GEMIN5: variants seen among roughly 807,000 people sequenced by gnomAD.
GEMIN5 encodes the protein gem nuclear organelle associated protein 5.
GEMIN5 carries 124 observed loss-of-function variants against 176.9 expected under a neutral mutation model. The observed-to-expected ratio is 0.70, with a 90% CI of 0.61 to 0.81. The LOEUF is 0.81. Ranked by LOEUF, GEMIN5 falls within the 40% of genes least tolerant of loss-of-function variation. The pLI is 0.00. For synonymous variants in GEMIN5, 673 were observed against 665.2 expected (o/e 1.01, Z -0.18); for missense variants, 1,843 against 1,814.6 (o/e 1.02, Z -0.28).
chr5:154,934,349 G>C (rs1764223435), intron 3 of GEMIN5, among the ~76,000 whole-genome samples: 1 of 152,136 alleles, frequency 6.6e-6, no homozygotes, highest in African/African-American at 2.4e-5. Context: ...ACCATGCCTG[G>C]CTAATTTTGT....
intron 18 of GEMIN5, 142 bp downstream of exon 18, chr5:154,904,365 A>AGG: frequency 1.4e-6 from 1 of 690,282 alleles, no homozygotes; most frequent in Non-Finnish European, 2.4e-6. Flanking sequence ...AGGGATGTGG[A>AGG]GGGAAGGGAG....
In GEMIN5 at chr5:154,901,256, T is replaced by C. The variant is rs1763455319; in HGVS notation, c.3014+83A>G. On this transcript the variant is annotated intron_variant, in intron 21 of 27. Coordinates refer to ENST00000285873, the MANE Select transcript of GEMIN5 (RefSeq NM_015465.5). ...TGAAGCAGGAGGACTGTTTCTTCTA[T>C]TTATGTTACTTTAACAATAGAGAAG... The C allele has an allele frequency of 5.3e-6, 7 of 1,316,916 alleles. No homozygotes were observed. In the South Asian group the frequency reaches 8.1e-5, roughly 15 times the overall value. The allele number at this position is 1,316,916 out of a possible 1,614,324, so 81.6% of individuals were successfully genotyped here. A position where few individuals can be genotyped will look rare whatever the true frequency, so the allele number is the denominator to read the frequency against.
intron 12 of GEMIN5, 32 bp from the exon 13 acceptor site, chr5:154,917,211 A>T (rs1763830630): frequency 1.3e-5 from 16 of 1,254,678 alleles, no homozygotes; most frequent in Non-Finnish European, 1.7e-5. Context: ...AACAAGAAAG[A>T]TGGATGATCA....
In GEMIN5 at chr5:154,888,257, C is replaced by G; in HGVS notation, c.4480G>C (p.Gly1494Arg). ...TGTCTTCTGTAAGTTTTCGTGTTGC[C>G]GTATTTCTGAAGGAGCTCTTGGGCC... ...QQAQELLQKY[G>R]NTKTYRRHCQ... is the part of the protein sequence containing the mutation. Residue 1494 changes from glycine to arginine, a missense_variant, in exon 28 of 28, where the codon GGC becomes CGC. By Grantham distance (125) the Gly-to-Arg change is moderately radical. Coordinates refer to ENST00000285873, the MANE Select transcript of GEMIN5 (RefSeq NM_015465.5). The G allele has an allele frequency of 6.2e-7, 1 of 1,614,060 alleles. No individual in the cohort carries two copies. Among genetic ancestry groups the G allele is most frequent in the Middle Eastern group, 1.6e-4 (1 of 6,062 alleles).
chr5:154,892,292 T>A (rs140492898), intron 25 of GEMIN5, 95 bp downstream of exon 25: 5 of 1,000,572 alleles, frequency 5.0e-6, no homozygotes, highest in Middle Eastern at 2.1e-4. Context: ...CCAATCTCCA[T>A]CTTTTAAGAA....
At position 154,891,618 on chromosome 5, in the gene GEMIN5, AG is replaced by A; in HGVS notation, c.3884del (p.Pro1295LeufsTer9). ...LYEFWWSLSR[P>X]CPNSSVWVRA... is the part of the protein sequence containing the mutation. The stretch of plus-strand genomic sequence containing the variant: ...TTACCCAGACACTGGAATTTGGGCA[AG>A]GTCTGGAGAGAGACCACCAGAATTC... On this transcript the variant is annotated frameshift_variant, in exon 26 of 28. Coordinates refer to ENST00000285873, the MANE Select transcript of GEMIN5 (RefSeq NM_015465.5). LOFTEE classifies it high-confidence loss of function. 1 of 1,614,208 alleles carries A rather than the reference AG, an allele frequency of 6.2e-7. No homozygotes were observed. Among genetic ancestry groups the A allele is most frequent in the South Asian group, 1.1e-5 (1 of 91,084 alleles).
At chr5:154,905,142 C>T (rs138046123) in intron 17 of GEMIN5, among the ~76,000 whole-genome samples, 4 of 152,044 alleles carry the variant, frequency 2.6e-5, no homozygotes, top group Non-Finnish European at 5.9e-5. Flanking sequence ...TGTAGTGAGC[C>T]AAGAGTGTGC....
chr5:154,895,966 G>C, intron 24 of GEMIN5, 126 bp downstream of exon 24: 1 of 1,020,798 alleles, frequency 9.8e-7, no homozygotes, highest in Non-Finnish European at 1.5e-6. Context: ...CAGGTGGCGT[G>C]GCCATGCCTT....
chr5:154,936,977 C>G (rs1464117704), intron 2 of GEMIN5, 48 bp downstream of exon 2: 2 of 1,502,252 alleles, frequency 1.3e-6, no homozygotes, highest in East Asian at 4.6e-5. Context: ...GAAGAACCCT[C>G]AGCACAGATA....
chr5:154,888,223 G>A lies in GEMIN5; in HGVS notation c.4514C>T (p.Thr1505Ile), dbSNP rs372623023. ...GTGTGTGAAAATTCACATACAGAAG[G>A]TCTGGCAGTGTCTTCTGTAAGTTTT... ...NTKTYRRHCQTFCM is the reference protein window; with the variant it reads ...NTKTYRRHCQIFCM The change falls in exon 28 of 28, where the codon ACC (threonine) becomes ATC (isoleucine). Residue 1505 changes from threonine (T) to isoleucine (I), a missense_variant. By Grantham distance (89) the Thr-to-Ile change is moderately conservative. Transcript: ENST00000285873. 33 of 1,613,884 alleles carry A rather than the reference G, an allele frequency of 2.0e-5. No homozygotes were observed. The highest frequency in any genetic ancestry group is 2.8e-5 in the Non-Finnish European group (33 of 1,179,892).
In GEMIN5 at chr5:154,926,135, C is replaced by A. The variant is rs1161666384; in HGVS notation, c.1081-61G>T. The A allele has an allele frequency of 1.4e-5, 15 of 1,034,748 alleles. No homozygotes were observed. The African/African-American group carries it at 2.1e-4, about 14-fold the overall frequency. The allele number at this position is 1,034,748 out of a possible 1,614,324, so 64.1% of individuals were successfully genotyped here. On this transcript the variant is annotated intron_variant, in intron 7 of 27. Coordinates refer to ENST00000285873, the MANE Select transcript of GEMIN5 (RefSeq NM_015465.5). ...AAGAACAGAGAAATAGGAAAAAAAACCTGATATGTCAAATGGGATAGGCTC... is the reference window on the plus strand; with the variant it reads ...AAGAACAGAGAAATAGGAAAAAAAAACTGATATGTCAAATGGGATAGGCTC...
chr5:154,908,173 T>C (rs1029063691), intron 15 of GEMIN5, among the ~76,000 whole-genome samples: 10 of 54,490 alleles, frequency 1.8e-4, no homozygotes, highest in Non-Finnish European at 2.9e-4. Flanking sequence ...CCAGATGTCC[T>C]TTTTTTTTTT....
chr5:154,891,771 C>G, intron 25 of GEMIN5, 29 bp from the exon 26 acceptor site: 1 of 1,541,518 alleles, frequency 6.5e-7, no homozygotes, highest in Middle Eastern at 1.8e-4. Context: ...GATACTGGGT[C>G]ATGCATTTCT....
chr5:154,931,391 G>T (rs1392338084), intron 5 of GEMIN5, 67 bp downstream of exon 5: 52 of 1,492,450 alleles, frequency 3.5e-5, no homozygotes, highest in Non-Finnish European at 4.5e-5. Context: ...AGGACAATAA[G>T]AACAGAAAAC....
intron 21 of GEMIN5, among the ~76,000 whole-genome samples, chr5:154,899,598 G>A (rs1278131870): frequency 7.2e-6 from 1 of 137,994 alleles, no homozygotes; most frequent in Admixed American, 7.9e-5. Context: ...AATGCTAAGA[G>A]TCAGTTATGT....
chr5:154,924,773 A>T (rs1341527254), intron 8 of GEMIN5, among the ~76,000 whole-genome samples: 1 of 152,024 alleles, frequency 6.6e-6, no homozygotes, highest in Admixed American at 6.5e-5. Flanking sequence ...GCGGATCACG[A>T]GGTCAGGAGA....
Position 154,931,523 on chromosome 5 carries a change from C to A in GEMIN5, c.716G>T (p.Gly239Val). Residue 239 changes from glycine to valine, a missense_variant, in exon 5 of 28, where the codon GGT (glycine) becomes GTT (valine). Physicochemically the swap from Gly to Val is moderately radical, Grantham distance 109 (BLOSUM62 -3). Transcript: ENST00000285873. ...NAVAQAPVTK[G>V]CYLATGSKDQ... Reference sequence around the variant, plus strand: ...TTTGCTTCCAGTGGCTAAGTAGCAACCTTTTGTTACTGGAGCTTGTGCTAC... The same window carrying A: ...TTTGCTTCCAGTGGCTAAGTAGCAAACTTTTGTTACTGGAGCTTGTGCTAC... The A allele has an allele frequency of 6.2e-7, 1 of 1,611,950 alleles. No individual in the cohort carries two copies. The highest frequency in any genetic ancestry group is 1.1e-5 in the South Asian group (1 of 91,010).
chr5:154,896,240 G>C lies in GEMIN5; in HGVS notation c.3449C>G (p.Thr1150Arg), dbSNP rs755153179. Reference protein sequence around the residue: ...KSSSSYHTWNTGTEGPFVERV... With the variant: ...KSSSSYHTWNRGTEGPFVERV... ...CTCCACGAAAGGCCCTTCGGTGCCC[G>C]TGTTCCAAGTGTGGTAAGAGGAGGA... Residue 1150 changes from threonine to arginine, a missense_variant, in exon 24 of 28, where the codon ACG becomes AGG. By Grantham distance (71) the Thr-to-Arg change is moderately conservative. Transcript: ENST00000285873. 2 of 1,613,770 alleles carry C rather than the reference G, an allele frequency of 1.2e-6. No homozygotes were observed. The highest frequency in any genetic ancestry group is 1.7e-6 in the Non-Finnish European group (2 of 1,179,876).
rs760029026 is a variant in GEMIN5, at chr5:154,901,391, T to A, written c.2962A>T (p.Ile988Phe). ...TCCACCGCTTCATACACTTTGTGGA[T>A]GGAAAGTAGGTGAGAAGCAGCCTTG... ...YVKAASHLLS[I>F]HKVYEAVELL... is the part of the protein sequence containing the mutation. Residue 988 changes from isoleucine to phenylalanine, a missense_variant, in exon 21 of 28, where the codon ATC (isoleucine) becomes TTC (phenylalanine). Coordinates refer to ENST00000285873, the MANE Select transcript of GEMIN5 (RefSeq NM_015465.5). 23 of 1,614,088 alleles carry A rather than the reference T, an allele frequency of 1.4e-5. No individual in the cohort carries two copies. The Admixed American group carries it at 3.8e-4, about 27-fold the overall frequency.
Sources: allele counts gnomAD v4.1 joint callset (sites outside exome capture counted in the v4.1 genomes callset), GRCh38; gene constraint gnomAD v4.1.1; transcripts MANE v1.5; gene names NCBI Gene and HGNC (gene_info 2026-07-23, HGNC 2026-07-21).